The following PROS1 variants were observed in gnomAD, a reference collection of about 807,000 sequenced individuals.
PROS1 encodes the protein protein S, also known as vitamin K-dependent protein S.
In PROS1, 29 loss-of-function variants were observed where a neutral mutation model predicts 75.9. The ratio of observed to expected loss-of-function variants is 0.38; its 90% CI spans 0.28 to 0.52. PROS1 has a LOEUF of 0.52. PROS1 is among the 20% of genes least tolerant of loss of function. PROS1 has a pLI of 0.83. For synonymous variants in PROS1, 245 were observed against 280.6 expected, an observed-to-expected ratio of 0.87 and a Z score of 1.27; for missense variants, 680 against 810.3, an observed-to-expected ratio of 0.84 and a Z score of 1.95.
intron 11 of PROS1, among the ~76,000 whole-genome samples, chr3:93,885,649 T>G (rs1708335428): frequency 6.6e-6 from 1 of 152,214 alleles, no homozygotes; most frequent in Non-Finnish European, 1.5e-5. Flanking sequence ...GCTCAAGACA[T>G]GTAATAACCG....
At chr3:93,886,611 G>T in intron 10 of PROS1, 108 bp from the exon 11 acceptor site, 1 of 842,972 alleles carries the variant, frequency 1.2e-6, no homozygotes, top group Non-Finnish European at 1.9e-6. Flanking sequence ...CTTCTGTAAA[G>T]TAATCATTTT....
intron 3 of PROS1, among the ~76,000 whole-genome samples, chr3:93,920,130 C>T (rs903267792): frequency 3.3e-5 from 5 of 152,014 alleles, no homozygotes; most frequent in African/African-American, 1.2e-4. Flanking sequence ...ACACATAGTA[C>T]CTCACACCTA....
intron 11 of PROS1, among the ~76,000 whole-genome samples, chr3:93,885,372 C>A (rs1708331134): frequency 6.6e-6 from 1 of 152,068 alleles, no homozygotes; most frequent in Admixed American, 6.6e-5. Context: ...ATTACAGGTG[C>A]CCACCACCAC....
Position 93,927,401 on chromosome 3 carries a change from G to A in PROS1, c.83C>T (p.Ser28Leu). Reference sequence around the variant, plus strand: ...CAGGACTTGTGAAGCCTGTTGCTTTGACAAAACTGAAGGAAACAATCAGTT... The same window carrying A: ...CAGGACTTGTGAAGCCTGTTGCTTTAACAAAACTGAAGGAAACAATCAGTT... Reference protein sequence around the residue: ...VLPVSEANFLSKQQASQVLVR... With the variant: ...VLPVSEANFLLKQQASQVLVR... Residue 28 changes from serine (S) to leucine (L), a missense_variant, in exon 2 of 15, where the codon TCA becomes TTA. Transcript: ENST00000394236. The A allele has an allele frequency of 1.9e-6, 3 of 1,613,906 alleles. No individual in the cohort carries two copies. The Middle Eastern group carries it at 5.0e-4, about 267-fold the overall frequency.
chr3:93,928,842 G>C (rs1416549991), intron 1 of PROS1: 2 of 765,522 alleles, frequency 2.6e-6, no homozygotes, highest in Non-Finnish European at 1.9e-6. Flanking sequence ...CATCACTACA[G>C]AGAATAAACG....
chr3:93,875,768 A>G (rs1468660116), intron 14 of PROS1, among the ~76,000 whole-genome samples: 1 of 152,080 alleles, frequency 6.6e-6, no homozygotes, highest in Admixed American at 6.5e-5. Context: ...TATATGGGAA[A>G]TCAAGACCAT....
At chr3:93,934,218 T>A (rs570938734) in intron 1 of PROS1, among the ~76,000 whole-genome samples, 98 of 149,752 alleles carry the variant, frequency 6.5e-4, no homozygotes, top group Middle Eastern at 3.4e-3. Context: ...GGTAAAAAAA[T>A]AATAATAATA....
intron 8 of PROS1, among the ~76,000 whole-genome samples, chr3:93,897,760 C>A (rs1466435795): frequency 2.0e-5 from 3 of 151,472 alleles, no homozygotes; most frequent in African/African-American, 7.3e-5. Flanking sequence ...CTTCACTTGT[C>A]AAAAAAAGAT....
At chr3:93,916,879 C>T (rs1255034894) in intron 3 of PROS1, among the ~76,000 whole-genome samples, 1 of 152,170 alleles carries the variant, frequency 6.6e-6, no homozygotes, top group Non-Finnish European at 1.5e-5. Flanking sequence ...TTTCTATAGG[C>T]ACCACTATCC....
intron 6 of PROS1, among the ~76,000 whole-genome samples, chr3:93,902,933 C>G (rs551996299): frequency 6.6e-6 from 1 of 152,038 alleles, no homozygotes; most frequent in Non-Finnish European, 1.5e-5. Flanking sequence ...CTGTTGTGAT[C>G]TCAGCTCACT....
chr3:93,911,624 T>G (rs1375189271), intron 3 of PROS1, among the ~76,000 whole-genome samples: 1 of 152,164 alleles, frequency 6.6e-6, no homozygotes, highest in African/African-American at 2.4e-5. Flanking sequence ...GCTTCCAAGA[T>G]GGAGCATCTT....
At position 93,924,280 on chromosome 3, in the gene PROS1, A is replaced by G. The variant is rs1386130206; in HGVS notation, c.235-16T>C. The G allele has an allele frequency of 4.7e-6, 6 of 1,264,884 alleles. No individual in the cohort carries two copies. The highest frequency in any genetic ancestry group is 6.5e-6 in the Non-Finnish European group (6 of 922,226). 78.4% of individuals were successfully genotyped at this position (1,264,884 alleles called of 1,614,324 possible). A position where few individuals can be genotyped will look rare whatever the true frequency, so the allele number is the denominator to read the frequency against. ...AAAAATAATCCTAGAAAGAAGAAAA[A>G]GAAAACATATCTTAGCAAACCTAAA... is the stretch of plus-strand genomic sequence containing the variant. On this transcript the variant is annotated splice_polypyrimidine_tract_variant and intron_variant, in intron 2 of 14. Coordinates refer to ENST00000394236, the MANE Select transcript of PROS1 (RefSeq NM_000313.4).
Position 93,933,069 on chromosome 3 carries a change from G to A in PROS1, c.77-5662C>T, listed in dbSNP as rs546544024. On this transcript the variant is annotated intron_variant, in intron 1 of 14. Coordinates refer to ENST00000394236, the MANE Select transcript of PROS1 (RefSeq NM_000313.4). ...TCTTCTTATTTGGCATCTCATAAAT[G>A]AAAAATTGCCCTTGAAAGAATGTTT... Among the ~76,000 whole-genome samples the A allele has an allele frequency of 2.0e-5, 3 of 152,226 alleles. No homozygotes were observed. In the East Asian group the frequency reaches 5.8e-4, roughly 29 times the overall value.
intron 3 of PROS1, among the ~76,000 whole-genome samples, chr3:93,915,656 T>G (rs1708835069): frequency 6.6e-6 from 1 of 152,224 alleles, no homozygotes; most frequent in Non-Finnish European, 1.5e-5. Flanking sequence ...TTTCCAGTGC[T>G]TTGTTTCTCA....
chr3:93,934,440 T>C (rs1709152654), intron 1 of PROS1, among the ~76,000 whole-genome samples: 1 of 152,204 alleles, frequency 6.6e-6, no homozygotes, highest in Non-Finnish European at 1.5e-5. Flanking sequence ...CTTGCTTTTC[T>C]CTAGATTTTA....
chr3:93,951,125 T>TA (rs751578045), intron 1 of PROS1, among the ~76,000 whole-genome samples: 9 of 152,182 alleles, frequency 5.9e-5, no homozygotes, highest in Admixed American at 4.6e-4. Flanking sequence ...CTGATTGGTG[T>TA]ACCTGAAAGT....
intron 12 of PROS1, among the ~76,000 whole-genome samples, chr3:93,884,428 A>T (rs142552132): frequency 2.4e-4 from 37 of 152,312 alleles, no homozygotes; most frequent in Middle Eastern, 6.8e-3. Context: ...TCATTGATAG[A>T]CTCCATACAA....
intron 7 of PROS1, among the ~76,000 whole-genome samples, chr3:93,900,414 T>C (rs761996295): frequency 1.4e-4 from 22 of 152,364 alleles, no homozygotes; most frequent in South Asian, 2.1e-4. Context: ...GTTTTAACCA[T>C]GCTCATTGTC....
intron 12 of PROS1, among the ~76,000 whole-genome samples, chr3:93,880,096 C>T (rs550686188): frequency 1.2e-4 from 19 of 152,282 alleles, no homozygotes; most frequent in African/African-American, 3.9e-4. Context: ...AAATACCACA[C>T]GGAGCCCTTG....
Sources: gnomAD v4.1 joint callset for allele counts (sites outside exome capture counted in the v4.1 genomes callset) on GRCh38, gnomAD v4.1.1 for gene constraint, MANE v1.5 for transcripts, NCBI Gene and HGNC (gene_info 2026-07-23, HGNC 2026-07-21) for gene names.